The following GFPT1 variants were observed in gnomAD, a reference collection of about 807,000 sequenced individuals.
The protein encoded by GFPT1 is glutamine--fructose-6-phosphate transaminase 1, also known as glutamine--fructose-6-phosphate aminotransferase [isomerizing] 1.
Under a neutral mutation model 92.0 loss-of-function variants are expected in GFPT1, and 40 were observed. The ratio of observed to expected loss-of-function variants is 0.43; its 90% CI spans 0.34 to 0.57. The LOEUF is 0.57. Ranked by LOEUF, GFPT1 falls within the 20% of genes least tolerant of loss-of-function variation. GFPT1 has a pLI of 0.02. For missense variants in GFPT1, 448 were observed against 869.1 expected (o/e 0.52, Z 6.09); for synonymous variants, 269 against 280.6 (o/e 0.96, Z 0.41).
intron 15 of GFPT1, among the ~76,000 whole-genome samples, chr2:69,331,047 T>C (rs1212198891): frequency 6.6e-6 from 1 of 152,228 alleles, no homozygotes; most frequent in Non-Finnish European, 1.5e-5. Context: ...TACAGAATTG[T>C]ATGTATTTCA....
intron 12 of GFPT1, among the ~76,000 whole-genome samples, chr2:69,344,798 C>T (rs970747280): frequency 8.6e-5 from 13 of 151,910 alleles, no homozygotes; most frequent in Admixed American, 2.6e-4. Context: ...CACCCACCAC[C>T]ACACCCAGCT....
At chr2:69,348,752 C>T (rs1292256011) in intron 10 of GFPT1, among the ~76,000 whole-genome samples, 1 of 152,172 alleles carries the variant, frequency 6.6e-6, no homozygotes, top group Admixed American at 6.5e-5. Context: ...TCTCTCCGTC[C>T]ATCCTCCATT....
intron 3 of GFPT1, among the ~76,000 whole-genome samples, chr2:69,368,272 A>T (rs1374197284): frequency 3.9e-5 from 6 of 152,042 alleles, no homozygotes; most frequent in Admixed American, 2.6e-4. Context: ...GGTCCCAGCT[A>T]CTCAGGAGGC....
Position 69,326,084 on chromosome 2 carries a change from TA to T in GFPT1, c.*104del, listed in dbSNP as rs1039352448. 31 of 714,356 alleles carry T rather than the reference TA, an allele frequency of 4.3e-5. No homozygotes were observed. Among genetic ancestry groups the T allele is most frequent in the Admixed American group, 4.9e-5 (2 of 40,412 alleles). The allele number at this position is 714,356 out of a possible 1,614,324, so 44.3% of individuals were successfully genotyped here. A position where few individuals can be genotyped will look rare whatever the true frequency, so the allele number is the denominator to read the frequency against. On this transcript the variant is annotated 3_prime_UTR_variant, in exon 20 of 20. Coordinates refer to ENST00000357308, the MANE Select transcript of GFPT1 (RefSeq NM_001244710.2). The stretch of plus-strand genomic sequence containing the variant: ...AACTGATATATAAATAAGGATTTAC[TA>T]AAAAAAGGCTTCAAGGGGTGATATT...
chr2:69,354,406 A>G, intron 8 of GFPT1, 83 bp downstream of exon 8: 1 of 1,278,176 alleles, frequency 7.8e-7, no homozygotes, highest in Non-Finnish European at 1.1e-6. Context: ...ATACATGTGC[A>G]TCTGACCAAA....
intron 12 of GFPT1, among the ~76,000 whole-genome samples, chr2:69,345,421 G>C (rs1039264415): frequency 6.6e-6 from 1 of 152,150 alleles, no homozygotes; most frequent in African/African-American, 2.4e-5. Flanking sequence ...ATACACATAA[G>C]CTGCCCAGCA....
intron 17 of GFPT1, among the ~76,000 whole-genome samples, 154 bp from the exon 18 acceptor site, chr2:69,328,592 T>C (rs973713282): frequency 2.0e-5 from 3 of 152,124 alleles, no homozygotes; most frequent in African/African-American, 7.2e-5. Flanking sequence ...AACAAGTTAA[T>C]AGATCACTAT....
At chr2:69,360,190 G>T (rs1253960429) in intron 4 of GFPT1, among the ~76,000 whole-genome samples, 1 of 151,892 alleles carries the variant, frequency 6.6e-6, no homozygotes, top group East Asian at 1.9e-4. Flanking sequence ...TTAGCCAGGC[G>T]TGGTGGCACG....
chr2:69,378,020 T>G (rs1028981032), intron 1 of GFPT1, among the ~76,000 whole-genome samples: 1 of 152,202 alleles, frequency 6.6e-6, no homozygotes, highest in South Asian at 2.1e-4. Context: ...CAGTTTTTTG[T>G]TTTTTGTTTT....
chr2:69,333,131 C>A (rs1239072909), intron 15 of GFPT1, among the ~76,000 whole-genome samples: 1 of 152,098 alleles, frequency 6.6e-6, no homozygotes, highest in African/African-American at 2.4e-5. Context: ...CCAGACTCTT[C>A]CAGTCTACTT....
Position 69,329,449 on chromosome 2 carries a change from G to A in GFPT1, c.1598-25C>T, listed in dbSNP as rs545928565. On this transcript the variant is annotated intron_variant, in intron 16 of 19. Coordinates refer to ENST00000357308, the MANE Select transcript of GFPT1 (RefSeq NM_001244710.2). ...TCTAAGAAGTAATATTAGCAAAAAA[G>A]GACAATAAACCAAACAAATAAAATA... 1.3e-5 allele frequency: 20 copies of A among 1,560,290 alleles called. No individual in the cohort carries two copies. The South Asian group carries it at 2.2e-4, about 17-fold the overall frequency.
At chr2:69,352,814 G>C (rs1325262923) in intron 9 of GFPT1, among the ~76,000 whole-genome samples, 1 of 152,006 alleles carries the variant, frequency 6.6e-6, no homozygotes, top group Admixed American at 6.6e-5. Flanking sequence ...GGGAGGCCGA[G>C]GTGGGCGGAT....
Position 69,321,320 on chromosome 2 carries a change from G to C in GFPT1, c.*4869C>G, listed in dbSNP as rs1305867537. On this transcript the variant is annotated 3_prime_UTR_variant, in exon 20 of 20. Coordinates refer to ENST00000357308, the MANE Select transcript of GFPT1 (RefSeq NM_001244710.2). ...GATTCTTTCCCAAACTGGGAAGTTC[G>C]GGTAGAGACAGTGGCTTTTGGTAAT... 1 of 152,136 alleles carries C rather than the reference G, an allele frequency of 6.6e-6. No homozygotes were observed. The highest frequency in any genetic ancestry group is 1.5e-5 in the Non-Finnish European group (1 of 68,008). 9.4% of individuals were successfully genotyped at this position (152,136 alleles called of 1,614,324 possible).
At chr2:69,355,135 T>A (rs898673618) in intron 7 of GFPT1, among the ~76,000 whole-genome samples, 2 of 152,196 alleles carry the variant, frequency 1.3e-5, no homozygotes, top group African/African-American at 4.8e-5. Flanking sequence ...TAGAGTGCAG[T>A]GGCGCAATCA....
chr2:69,369,283 T>C (rs187228583), intron 3 of GFPT1, among the ~76,000 whole-genome samples: 5 of 152,322 alleles, frequency 3.3e-5, no homozygotes, highest in Non-Finnish European at 7.4e-5. Flanking sequence ...TTCCTCTACC[T>C]GTACTCTTTT....
chr2:69,338,350 C>T (rs548395140), intron 14 of GFPT1, 95 bp downstream of exon 14: 2 of 1,028,660 alleles, frequency 1.9e-6, no homozygotes, highest in Admixed American at 3.9e-5. Context: ...ATCTGCAATG[C>T]CAGTTTATCT....
At chr2:69,364,667 G>T (rs1671564576) in intron 3 of GFPT1, among the ~76,000 whole-genome samples, 1 of 152,208 alleles carries the variant, frequency 6.6e-6, no homozygotes. Flanking sequence ...GGGCTACTGG[G>T]AAATCGGCAT....
intron 12 of GFPT1, among the ~76,000 whole-genome samples, chr2:69,343,896 G>A (rs534066102): frequency 3.3e-5 from 5 of 152,270 alleles, no homozygotes; most frequent in African/African-American, 1.2e-4. Flanking sequence ...AGTGTCACTA[G>A]CTTCCCAAAT....
chr2:69,354,648 C>A, intron 7 of GFPT1, 80 bp from the exon 8 acceptor site: 1 of 815,006 alleles, frequency 1.2e-6, no homozygotes. Flanking sequence ...TGGGCCAATA[C>A]TCTTCAAATG....
Sources: allele counts gnomAD v4.1 joint callset (sites outside exome capture counted in the v4.1 genomes callset), GRCh38; gene constraint gnomAD v4.1.1; transcripts MANE v1.5; gene names NCBI Gene and HGNC (gene_info 2026-07-23, HGNC 2026-07-21).